Variants in CES5A observed in about 807,000 individuals in gnomAD.
The protein encoded by CES5A is carboxylesterase 5.
In CES5A, 67 loss-of-function variants were observed where a neutral mutation model predicts 62.9. That is an observed-to-expected ratio of 1.07 (90% CI 0.88 to 1.31). The LOEUF (loss-of-function observed/expected upper bound fraction) is 1.31, where lower values mean the gene tolerates loss of function less well. CES5A is among the 50% of genes most tolerant of loss of function. CES5A has a pLI of 0.00. For missense variants in CES5A, 748 were observed against 708.5 expected, an observed-to-expected ratio of 1.06 and a Z score of -0.63; for synonymous variants, 296 against 280.8, an observed-to-expected ratio of 1.05 and a Z score of -0.54.
intron 4 of CES5A, among the ~76,000 whole-genome samples, chr16:55,866,681 C>CAAAAAAAAAAAAAAAAA (rs1287845742): frequency 1.0e-5 from 1 of 98,376 alleles, no homozygotes; most frequent in Non-Finnish European, 2.1e-5. Context: ...AAAAAAAATA[C>CAAAAAAAAAAAAAAAAA]AAAAAAATTA....
intron 2 of CES5A, 65 bp from the exon 3 acceptor site, chr16:55,871,828 G>C (rs1198681572): frequency 1.9e-6 from 3 of 1,577,556 alleles, no homozygotes; most frequent in Non-Finnish European, 2.6e-6. Context: ...GGAAGGGCCA[G>C]TTCTTCTGAC....
intron 1 of CES5A, 121 bp from the exon 2 acceptor site, chr16:55,874,158 G>T: frequency 1.2e-6 from 1 of 851,066 alleles, no homozygotes; most frequent in Non-Finnish European, 1.8e-6. Context: ...GCAGCTGGTG[G>T]TATCCAGGTT....
chr16:55,854,266 C>T (rs1308147517), intron 9 of CES5A, among the ~76,000 whole-genome samples: 1 of 151,986 alleles, frequency 6.6e-6, no homozygotes, highest in Non-Finnish European at 1.5e-5. Context: ...AAACACATGC[C>T]CTTCCATTCC....
intron 8 of CES5A, 58 bp downstream of exon 8, chr16:55,859,489 A>G: frequency 6.4e-7 from 1 of 1,563,744 alleles, no homozygotes; most frequent in Non-Finnish European, 8.7e-7. Context: ...CCAGCTGTTG[A>G]AGCCAAAGCT....
rs1293895137 is a variant in CES5A, at chr16:55,950,098, G to A, written c.43-196C>T. Among the ~76,000 whole-genome samples the A allele has an allele frequency of 7.9e-5, 12 of 152,226 alleles. No individual in the cohort carries two copies. In the East Asian group the frequency reaches 1.7e-3, roughly 22 times the overall value. On this transcript the variant is annotated intron_variant, in intron 1 of 13. Coordinates refer to the CES5A transcript ENST00000521992. ...AGGAATGCCTGAAAGGGGAAAGGCA[G>A]ATGGAGAAGACTGAAGAAAGAAACC...
chr16:55,948,096 G>A (rs2034516168), intron 2 of CES5A, among the ~76,000 whole-genome samples: 1 of 152,116 alleles, frequency 6.6e-6, no homozygotes, highest in African/African-American at 2.4e-5. Flanking sequence ...AAAAGAAGAA[G>A]TGATGTCGAT....
rs56017491 is a variant in CES5A, at chr16:55,854,544, C to CTTTTTTTTTTTTTTTTTTTTTTT, written c.1126-1517_1126-1516insAAAAAAAAAAAAAAAAAAAAAAA. The stretch of plus-strand genomic sequence containing the variant: ...CCTGTAGTGTTTCTTTTTTTTTTTT[C>CTTTTTTTTTTTTTTTTTTTTTTT]TTTTTTTTTTTTTGAGACAGAGTCT... On this transcript the variant is annotated intron_variant, in intron 9 of 12. Transcript: ENST00000290567. 7.3e-4 allele frequency among the ~76,000 whole-genome samples: 47 copies of CTTTTTTTTTTTTTTTTTTTTTTT among 64,412 alleles called. 8 individuals carry two copies. Among genetic ancestry groups the CTTTTTTTTTTTTTTTTTTTTTTT allele is most frequent in the African/African-American group, 2.7e-3 (38 of 14,314 alleles). 42.3% of individuals were successfully genotyped at this position (64,412 alleles called of 152,430 possible).
chr16:55,863,513 A>G lies in CES5A; in HGVS notation c.706-61T>C. ...CTCCCCACCAACACACATACCATTC[A>G]TCCCTCTTCAAAGAAACCTTCCCAG... On this transcript the variant is annotated intron_variant, in intron 5 of 12. Coordinates refer to ENST00000290567, the MANE Select transcript of CES5A (RefSeq NM_001143685.2). The G allele has an allele frequency of 3.5e-6, 3 of 857,958 alleles. No homozygotes were observed. In the South Asian group the frequency reaches 4.0e-5, roughly 11 times the overall value. 53.1% of individuals were successfully genotyped at this position (857,958 alleles called of 1,614,324 possible). A position where few individuals can be genotyped will look rare whatever the true frequency, so the allele number is the denominator to read the frequency against.
intron 2 of CES5A, among the ~76,000 whole-genome samples, chr16:55,931,656 T>C (rs2034312981): frequency 6.6e-6 from 1 of 152,170 alleles, no homozygotes; most frequent in South Asian, 2.1e-4. Flanking sequence ...GGCCAACTAA[T>C]AGCCCTCTGT....
rs776161802 is a variant in CES5A, at chr16:55,873,946, G to T, written c.165C>A (p.Asn55Lys). 1.2e-6 allele frequency: 2 copies of T among 1,613,740 alleles called. No homozygotes were observed. Among genetic ancestry groups the T allele is most frequent in the Non-Finnish European group, 1.7e-6 (2 of 1,179,960 alleles). Residue 55 changes from asparagine (N) to lysine (K), a missense_variant, in exon 2 of 13, where the codon AAC becomes AAA. Physicochemically the swap from Asn to Lys is moderately conservative, Grantham distance 94. Transcript: ENST00000290567. ...VTVLGSPVPV[N>K]VFLGVPFAAP... ...CAGCAAAGGGGACTCCGAGGAACAC[G>T]TTCACAGGCACAGGGCTTCCCAGCA...
intron 2 of CES5A, among the ~76,000 whole-genome samples, chr16:55,872,889 C>T (rs749523680): frequency 1.3e-5 from 2 of 152,174 alleles, no homozygotes; most frequent in Non-Finnish European, 2.9e-5. Context: ...ATGATGACAG[C>T]TGTGACTCAA....
chr16:55,955,959 C>T (rs1366750856), exon 1 of CES5A: 35 of 1,442,430 alleles, frequency 2.4e-5, no homozygotes, highest in Middle Eastern at 1.7e-4. Flanking sequence ...AGTCCTCTTG[C>T]ACATCATGTA....
Position 55,846,826 on chromosome 16 carries a change from C to T in CES5A, c.1438G>A (p.Glu480Lys), listed in dbSNP as rs2033022993. ...DIVMFEGATEEEKLLSRKMMK... is the reference protein window; with the variant it reads ...DIVMFEGATEKEKLLSRKMMK... ...ATCTTCCGGCTCAGTAACTTCTCCT[C>T]CTCCGTGGCTCCTTCTGAAGGAGAT... is the stretch of plus-strand genomic sequence containing the variant. The change falls in exon 12 of 13, where the codon GAG (glutamate) becomes AAG (lysine). Residue 480 changes from glutamate (E) to lysine (K), a missense_variant. Physicochemically the swap from Glu to Lys is moderately conservative, Grantham distance 56. Coordinates refer to ENST00000290567, the MANE Select transcript of CES5A (RefSeq NM_001143685.2). 1 of 1,614,102 alleles carries T rather than the reference C, an allele frequency of 6.2e-7. No homozygotes were observed. The highest frequency in any genetic ancestry group is 8.5e-7 in the Non-Finnish European group (1 of 1,179,992).
intron 9 of CES5A, among the ~76,000 whole-genome samples, chr16:55,854,531 C>CTTTTTTTTTCTT (rs2033195342): frequency 1.9e-5 from 1 of 52,164 alleles, no homozygotes; most frequent in East Asian, 6.2e-4. Flanking sequence ...TGTAGTGTTT[C>CTTTTTTTTTCTT]TTTTTTTTTT....
chr16:55,938,803 C>CACACACATATATATATATACACATAT (rs1420576407), intron 2 of CES5A, among the ~76,000 whole-genome samples: 5 of 86,964 alleles, frequency 5.7e-5, no homozygotes, highest in African/African-American at 2.6e-4. Context: ...TATATACACA[C>CACACACATATATATATATACACATAT]ATATATATAT....
At chr16:55,944,702 G>A (rs1371446370) in intron 2 of CES5A, among the ~76,000 whole-genome samples, 1 of 152,136 alleles carries the variant, frequency 6.6e-6, no homozygotes, top group African/African-American at 2.4e-5. Context: ...TAACTCCCAG[G>A]GATTGGTCCT....
At position 55,875,027 on chromosome 16, in the gene CES5A, A is replaced by G. The variant is rs569083529; in HGVS notation, c.73+122T>C. The G allele has an allele frequency of 9.2e-4, 913 of 991,110 alleles. 2 individuals are homozygous for G. Among genetic ancestry groups the G allele is most frequent in the Non-Finnish European group, 1.3e-3 (793 of 617,542 alleles). The allele number at this position is 991,110 out of a possible 1,614,324, so 61.4% of individuals were successfully genotyped here. On this transcript the variant is annotated intron_variant, in intron 1 of 12. Transcript: ENST00000290567. Reference sequence around the variant, plus strand: ...CAACAGCAGAATACTGATGCCATCAAAGTACTACATAGCTCTCCACTGGCC... The same window carrying G: ...CAACAGCAGAATACTGATGCCATCAGAGTACTACATAGCTCTCCACTGGCC...
chr16:55,874,513 C>A (rs1489059345), intron 1 of CES5A, among the ~76,000 whole-genome samples: 13 of 151,560 alleles, frequency 8.6e-5, no homozygotes, highest in Non-Finnish European at 7.4e-5. Context: ...TTCCAATAAA[C>A]TCCTTTTAAA....
intron 1 of CES5A, 106 bp from the exon 2 acceptor site, chr16:55,874,143 G>T: frequency 1.0e-6 from 1 of 996,068 alleles, no homozygotes. Context: ...TCACTCAGAA[G>T]TTGTGCAGCT....
Sources: gnomAD v4.1 joint callset for allele counts (sites outside exome capture counted in the v4.1 genomes callset) on GRCh38, gnomAD v4.1.1 for gene constraint, MANE v1.5 for transcripts, NCBI Gene and HGNC (gene_info 2026-07-23, HGNC 2026-07-21) for gene names.